The following ZFYVE9 variants were observed in gnomAD, a reference collection of about 807,000 sequenced individuals.
ZFYVE9 encodes zinc finger FYVE domain-containing protein 9.
Under a neutral mutation model 126.7 loss-of-function variants are expected in ZFYVE9, and 43 were observed. The observed-to-expected ratio is 0.34, with a 90% CI of 0.27 to 0.44. The LOEUF is 0.44. ZFYVE9 is among the 20% of genes least tolerant of loss of function. The probability of loss-of-function intolerance (pLI) is 1.00; values close to 1 mark genes in which losing one functional copy is unlikely to be tolerated. For missense variants in ZFYVE9, 1,476 were observed against 1,697.0 expected (o/e 0.87, Z 2.29); for synonymous variants, 521 against 597.4 (o/e 0.87, Z 1.87).
chr1:52,162,590 CA>C, intron 1 of ZFYVE9: 1 of 258,280 alleles, frequency 3.9e-6, no homozygotes. Context: ...TGGCACCATT[CA>C]AAGGTCCATA....
intron 13 of ZFYVE9, among the ~76,000 whole-genome samples, chr1:52,304,624 A>AT (rs1646065006): frequency 6.7e-6 from 1 of 150,180 alleles, no homozygotes; most frequent in Non-Finnish European, 1.5e-5. Flanking sequence ...TTTTCATTTC[A>AT]TTTTTTCTTC....
At chr1:52,282,748 TC>T (rs1645816571) in intron 10 of ZFYVE9, among the ~76,000 whole-genome samples, 4 of 152,276 alleles carry the variant, frequency 2.6e-5, no homozygotes, top group African/African-American at 7.2e-5. Flanking sequence ...ACACAAAAAT[TC>T]AGAAGCAACC....
intron 15 of ZFYVE9, chr1:52,335,060 A>G (rs1646376319): frequency 8.7e-6 from 2 of 228,812 alleles, no homozygotes; most frequent in Non-Finnish European, 1.7e-5. Context: ...AAATATTAAT[A>G]TCTAAATGTG....
chr1:52,308,128 ATTGTG>A (rs1646103202), intron 13 of ZFYVE9, among the ~76,000 whole-genome samples: 1 of 152,192 alleles, frequency 6.6e-6, no homozygotes, highest in Admixed American at 6.5e-5. Flanking sequence ...ATACAGTTAA[ATTGTG>A]TTGTGTCTAA....
At position 52,343,445 on chromosome 1, in the gene ZFYVE9, C is replaced by CA. The variant is rs113055412; in HGVS notation, c.3940-1314dup. On this transcript the variant is annotated intron_variant, in intron 17 of 18. Transcript: ENST00000287727. ...TGGGCAATAGAGCGAGACTCCATCTCAAAAAAAAAGAAAAAAAGAAGTCCT... is the reference window on the plus strand; with the variant it reads ...TGGGCAATAGAGCGAGACTCCATCTCAAAAAAAAAAGAAAAAAAGAAGTCCT... Among the ~76,000 whole-genome samples, 38 of 146,954 alleles carry CA rather than the reference C, an allele frequency of 2.6e-4. No homozygotes were observed. The South Asian group carries it at 4.3e-3, about 17-fold the overall frequency.
intron 4 of ZFYVE9, among the ~76,000 whole-genome samples, chr1:52,251,176 A>G (rs901349254): frequency 6.6e-6 from 1 of 151,976 alleles, no homozygotes; most frequent in Admixed American, 6.6e-5. Context: ...GGTTCAAGCA[A>G]TTCTTCTTCT....
chr1:52,211,036 CAT>C (rs996980717), intron 1 of ZFYVE9, among the ~76,000 whole-genome samples: 3 of 152,244 alleles, frequency 2.0e-5, no homozygotes, highest in Middle Eastern at 3.4e-3. Flanking sequence ...TGCTCATTCA[CAT>C]GTGTAGAGAT....
At chr1:52,169,460 C>T (rs1370847770) in intron 1 of ZFYVE9, among the ~76,000 whole-genome samples, 1 of 152,110 alleles carries the variant, frequency 6.6e-6, no homozygotes, top group African/African-American at 2.4e-5. Context: ...TTCATCTTAA[C>T]ACGTCATCTA....
chr1:52,337,473 C>T (rs1464212495), intron 15 of ZFYVE9, among the ~76,000 whole-genome samples: 1 of 152,164 alleles, frequency 6.6e-6, no homozygotes, highest in Non-Finnish European at 1.5e-5. Flanking sequence ...GGAGTGAAAA[C>T]AGGAACAAAA....
intron 1 of ZFYVE9, among the ~76,000 whole-genome samples, chr1:52,153,305 A>G (rs1320239965): frequency 3.9e-5 from 6 of 152,180 alleles, no homozygotes; most frequent in Admixed American, 3.3e-4. Flanking sequence ...GTAGAAAGAG[A>G]TTAGTGAGAC....
intron 7 of ZFYVE9, among the ~76,000 whole-genome samples, chr1:52,269,939 G>C (rs949343845): frequency 1.3e-5 from 2 of 151,818 alleles, no homozygotes. Flanking sequence ...AGGCAAGCCT[G>C]GCCACAACTG....
intron 4 of ZFYVE9, among the ~76,000 whole-genome samples, chr1:52,243,348 G>A (rs1557477276): frequency 6.6e-6 from 1 of 152,188 alleles, no homozygotes; most frequent in Non-Finnish European, 1.5e-5. Flanking sequence ...GGAGAAGAAG[G>A]TATGAGAAGA....
chr1:52,150,681 C>T (rs955703825), intron 1 of ZFYVE9, among the ~76,000 whole-genome samples: 5 of 150,186 alleles, frequency 3.3e-5, no homozygotes, highest in African/African-American at 7.4e-5. Flanking sequence ...GCAGGAGAAT[C>T]GCTTGAACCT....
chr1:52,272,084 C>T (rs1409665257), intron 7 of ZFYVE9, among the ~76,000 whole-genome samples: 1 of 152,120 alleles, frequency 6.6e-6, no homozygotes, highest in Non-Finnish European at 1.5e-5. Flanking sequence ...GTGATCTCCC[C>T]TCCTTGGCCT....
intron 4 of ZFYVE9, among the ~76,000 whole-genome samples, chr1:52,242,831 A>G (rs1050485990): frequency 1.3e-5 from 2 of 152,182 alleles, no homozygotes; most frequent in African/African-American, 2.4e-5. Flanking sequence ...TTGTGATTTT[A>G]GCCATCTGGC....
At chr1:52,276,651 C>G (rs557687338) in intron 8 of ZFYVE9, among the ~76,000 whole-genome samples, 2 of 152,282 alleles carry the variant, frequency 1.3e-5, no homozygotes, top group South Asian at 4.1e-4. Context: ...TAGAATACCC[C>G]TCTCTACTGT....
At chr1:52,342,430 T>TA (rs1646446089) in intron 17 of ZFYVE9, among the ~76,000 whole-genome samples, 1 of 151,778 alleles carries the variant, frequency 6.6e-6, no homozygotes, top group African/African-American at 2.4e-5. Context: ...CACGCCCGAC[T>TA]AATTTTTTTT....
At chr1:52,247,584 C>T (rs1358211992) in intron 4 of ZFYVE9, among the ~76,000 whole-genome samples, 1 of 152,096 alleles carries the variant, frequency 6.6e-6, no homozygotes, top group Non-Finnish European at 1.5e-5. Flanking sequence ...GCAACCTCTG[C>T]CTCCTGGGTT....
intron 1 of ZFYVE9, among the ~76,000 whole-genome samples, chr1:52,195,022 G>A (rs664441): frequency 0.97 from 147,783 of 152,282 alleles, 71,724 homozygotes; most frequent in East Asian, 1. Context: ...AGACATGTAT[G>A]TATTTTTAAA....
Sources: gnomAD v4.1 joint callset for allele counts (sites outside exome capture counted in the v4.1 genomes callset) on GRCh38, gnomAD v4.1.1 for gene constraint, MANE v1.5 for transcripts, NCBI Gene and HGNC (gene_info 2026-07-23, HGNC 2026-07-21) for gene names.